The following SLC25A48 variants were observed in gnomAD, a reference collection of about 807,000 sequenced individuals.
SLC25A48 encodes solute carrier family 25 member 48.
A neutral mutation model predicts 32.2 loss-of-function variants in SLC25A48; 29 were observed. The observed-to-expected ratio is 0.90, with a 90% CI of 0.67 to 1.23. The LOEUF (loss-of-function observed/expected upper bound fraction) is 1.23. Among genes scored for constraint, SLC25A48 ranks in the 50% most tolerant of loss-of-function variants. The pLI is 0.00. For synonymous variants in SLC25A48, 164 were observed against 172.3 expected, an observed-to-expected ratio of 0.95 and a Z score of 0.38; for missense variants, 399 against 422.7, an observed-to-expected ratio of 0.94 and a Z score of 0.49.
intron 3 of SLC25A48, among the ~76,000 whole-genome samples, chr5:135,746,029 G>A (rs892610248): frequency 6.6e-6 from 1 of 152,080 alleles, no homozygotes; most frequent in African/African-American, 2.4e-5. Flanking sequence ...CACATCCTTT[G>A]CTCTCGCCTT....
chr5:135,653,335 A>C (rs1753163207), intron 3 of SLC25A48, among the ~76,000 whole-genome samples: 1 of 152,230 alleles, frequency 6.6e-6, no homozygotes, highest in South Asian at 2.1e-4. Flanking sequence ...TGGGGGCAAG[A>C]GAGACTATTT....
rs1044198797 is a variant in SLC25A48 at position 135,714,295 on chromosome 5, A to T, written c.-521+79339A>T. On this transcript the variant is annotated intron_variant, in intron 3 of 10. Transcript: ENST00000646290. Reference sequence around the variant, plus strand: ...AATGTGCCTAGCCTCCCTGGGGACCAGACAGAAGCAGATGAGGGCTTTGTG... The same window carrying T: ...AATGTGCCTAGCCTCCCTGGGGACCTGACAGAAGCAGATGAGGGCTTTGTG... Among the ~76,000 whole-genome samples, 7 of 152,348 alleles carry T rather than the reference A, an allele frequency of 4.6e-5. No individual in the cohort carries two copies. The East Asian group carries it at 1.2e-3, about 25-fold the overall frequency.
intron 3 of SLC25A48, chr5:135,742,675 C>A (rs1755526278): frequency 3.8e-6 from 2 of 526,924 alleles, no homozygotes; most frequent in Non-Finnish European, 6.8e-6. Context: ...AGAGCTAAGT[C>A]CTAGTCCTGG....
intron 3 of SLC25A48, among the ~76,000 whole-genome samples, chr5:135,734,124 C>T (rs928343739): frequency 2.6e-5 from 4 of 151,848 alleles, no homozygotes; most frequent in Admixed American, 2.6e-4. Flanking sequence ...TGGCATTGAG[C>T]GGGGTAAGGG....
chr5:135,705,292 T>C, intron 3 of SLC25A48, among the ~76,000 whole-genome samples: 1 of 152,208 alleles, frequency 6.6e-6, no homozygotes, highest in East Asian at 1.9e-4. Context: ...GCAGTCCCAG[T>C]GATGCTGTCA....
intron 4 of SLC25A48, among the ~76,000 whole-genome samples, chr5:135,817,046 A>C (rs529664338): frequency 2.0e-5 from 3 of 152,384 alleles, no homozygotes; most frequent in South Asian, 4.1e-4. Context: ...TGTATTTTAG[A>C]AAGAGCAAAG....
intron 3 of SLC25A48, among the ~76,000 whole-genome samples, chr5:135,664,229 G>A (rs1369326931): frequency 6.6e-6 from 1 of 152,236 alleles, no homozygotes; most frequent in Non-Finnish European, 1.5e-5. Flanking sequence ...AGACAGATAT[G>A]GCGACAGACT....
chr5:135,880,130 T>A (rs1188916444), intron 7 of SLC25A48, 33 bp downstream of exon 7: 8 of 1,497,994 alleles, frequency 5.3e-6, no homozygotes, highest in South Asian at 1.3e-5. Flanking sequence ...CAATTGTGCC[T>A]CCCAGGAACT....
At chr5:135,865,572 T>G (rs1425075109) in intron 4 of SLC25A48, among the ~76,000 whole-genome samples, 2 of 151,958 alleles carry the variant, frequency 1.3e-5, no homozygotes, top group Admixed American at 6.6e-5. Flanking sequence ...GTCTTGGGAG[T>G]GCTGAGACCT....
At chr5:135,707,913 AAT>A (rs965635416) in intron 3 of SLC25A48, among the ~76,000 whole-genome samples, 4 of 152,120 alleles carry the variant, frequency 2.6e-5, no homozygotes, top group Admixed American at 2.6e-4. Flanking sequence ...GAGAACAGTA[AAT>A]ACATATTTAT....
At chr5:135,663,397 A>G (rs1176288520) in intron 3 of SLC25A48, among the ~76,000 whole-genome samples, 1 of 152,188 alleles carries the variant, frequency 6.6e-6, no homozygotes, top group African/African-American at 2.4e-5. Context: ...ACTTCTCTCC[A>G]GTAGTATCAC....
intron 3 of SLC25A48, among the ~76,000 whole-genome samples, chr5:135,700,371 C>CAAAAAAAA (rs34125451): frequency 1.5e-4 from 10 of 67,864 alleles, no homozygotes; most frequent in African/African-American, 1.9e-4. Context: ...GACTCTGTCT[C>CAAAAAAAA]AAAAAAAAAA....
chr5:135,652,772 A>G (rs1580756558), intron 3 of SLC25A48, among the ~76,000 whole-genome samples: 1 of 152,382 alleles, frequency 6.6e-6, no homozygotes, highest in East Asian at 1.9e-4. Context: ...ATCTATGCAC[A>G]GAATTTTAGC....
chr5:135,605,155 T>C (rs1452173954), intron 1 of SLC25A48, among the ~76,000 whole-genome samples: 1 of 152,274 alleles, frequency 6.6e-6, no homozygotes, highest in East Asian at 1.9e-4. Flanking sequence ...ATCTATGTTA[T>C]GGAATTTTGG....
At chr5:135,777,784 C>G (rs867947627) in intron 3 of SLC25A48, among the ~76,000 whole-genome samples, 15 of 142,432 alleles carry the variant, frequency 1.1e-4, no homozygotes, top group African/African-American at 2.9e-4. Flanking sequence ...TCCTAATATC[C>G]GGGGGGGGGG....
intron 3 of SLC25A48, among the ~76,000 whole-genome samples, chr5:135,737,284 G>A (rs1372475514): frequency 6.6e-6 from 1 of 152,074 alleles, no homozygotes; most frequent in Non-Finnish European, 1.5e-5. Context: ...TGGCAGGGGT[G>A]GGGGTCACAA....
intron 4 of SLC25A48, among the ~76,000 whole-genome samples, chr5:135,820,061 C>T (rs66535365): frequency 0.066 from 9,136 of 138,888 alleles, 570 homozygotes; most frequent in East Asian, 0.38. Flanking sequence ...GATCAAACTA[C>T]TCAAATCCTA....
chr5:135,593,579 G>T (rs1438015164), intron 1 of SLC25A48, among the ~76,000 whole-genome samples: 1 of 152,208 alleles, frequency 6.6e-6, no homozygotes, highest in Non-Finnish European at 1.5e-5. Flanking sequence ...AGTTCCAAGG[G>T]CTTCTCCCAG....
At chr5:135,600,848 A>AT (rs34345064) in intron 1 of SLC25A48, among the ~76,000 whole-genome samples, 24,902 of 132,700 alleles carry the variant, frequency 0.19, 2,404 homozygotes, top group Non-Finnish European at 0.21. Context: ...ATGCCCGGGT[A>AT]TTTTTTTTTT....
Sources: gnomAD v4.1 joint callset for allele counts (sites outside exome capture counted in the v4.1 genomes callset) on GRCh38, gnomAD v4.1.1 for gene constraint, MANE v1.5 for transcripts, NCBI Gene and HGNC (gene_info 2026-07-23, HGNC 2026-07-21) for gene names.